The following PIAS2 variants were observed in gnomAD, a reference collection of about 807,000 sequenced individuals.
PIAS2 encodes the protein E3 SUMO-protein ligase PIAS2.
A neutral mutation model predicts 69.7 loss-of-function variants in PIAS2; 19 were observed. That is an observed-to-expected ratio of 0.27 (90% CI 0.19 to 0.40). The LOEUF is 0.40. Ranked by LOEUF, PIAS2 falls within the 10% of genes least tolerant of loss-of-function variation. The pLI, the probability that PIAS2 is intolerant of heterozygous loss-of-function variation, is 1.00. For synonymous variants in PIAS2, 261 were observed against 263.2 expected (o/e 0.99, Z 0.08); for missense variants, 624 against 757.0 (o/e 0.82, Z 2.06).
intron 2 of PIAS2, among the ~76,000 whole-genome samples, chr18:46,887,837 A>G (rs954599059): frequency 3.0e-4 from 45 of 152,332 alleles, no homozygotes; most frequent in African/African-American, 1.1e-3. Flanking sequence ...TTTCTACACC[A>G]TAAGAATGCT....
chr18:46,877,285 A>T (rs1220098340), intron 2 of PIAS2, among the ~76,000 whole-genome samples: 1 of 152,246 alleles, frequency 6.6e-6, no homozygotes, highest in African/African-American at 2.4e-5. Context: ...TATAAAAATC[A>T]AAAGAAGGGA....
intron 2 of PIAS2, among the ~76,000 whole-genome samples, chr18:46,871,357 G>A (rs143102980): frequency 6.6e-6 from 1 of 152,246 alleles, no homozygotes; most frequent in Non-Finnish European, 1.5e-5. Flanking sequence ...GGCTACAGGG[G>A]GCCAAAGCTT....
In PIAS2 at chr18:46,827,668, A is replaced by T. The variant is rs1330530433; in HGVS notation, c.1508+291T>A. On this transcript the variant is annotated intron_variant, in intron 11 of 13. Coordinates refer to ENST00000585916, the MANE Select transcript of PIAS2 (RefSeq NM_004671.5). ...ACACTCCATTACACCAGACTTTCTC[A>T]TCTGGTCTGAGATGCCAAATTTCCT... 11 of 255,154 alleles carry T rather than the reference A, an allele frequency of 4.3e-5. No homozygotes were observed. In the Admixed American group the frequency reaches 4.4e-4, roughly 10 times the overall value. The allele number at this position is 255,154 out of a possible 1,614,324, so 15.8% of individuals were successfully genotyped here. A position where few individuals can be genotyped will look rare whatever the true frequency, so the allele number is the denominator to read the frequency against.
At chr18:46,816,738 G>C (rs888773172) in intron 12 of PIAS2, 10 of 941,522 alleles carry the variant, frequency 1.1e-5, no homozygotes, top group Non-Finnish European at 1.3e-5. Context: ...AAAGTGCTGG[G>C]ATTACAGACA....
Position 46,855,629 on chromosome 18 carries a change from A to T in PIAS2, c.585-14T>A. 6.2e-7 allele frequency: 1 copy of T among 1,605,170 alleles called. No homozygotes were observed. Among genetic ancestry groups the T allele is most frequent in the Non-Finnish European group, 8.5e-7 (1 of 1,171,990 alleles). ...GGCAAAAAATCCCTGTTGGAAAGAGAAAGAAAATGGGTTAAAAAAGTACAA... is the reference window on the plus strand; with the variant it reads ...GGCAAAAAATCCCTGTTGGAAAGAGTAAGAAAATGGGTTAAAAAAGTACAA... On this transcript the variant is annotated splice_polypyrimidine_tract_variant and intron_variant, in intron 3 of 13. Coordinates refer to ENST00000585916, the MANE Select transcript of PIAS2 (RefSeq NM_004671.5).
At chr18:46,841,348 A>G (rs2045358157) in intron 8 of PIAS2, among the ~76,000 whole-genome samples, 1 of 152,206 alleles carries the variant, frequency 6.6e-6, no homozygotes, top group Non-Finnish European at 1.5e-5. Flanking sequence ...TGTTTTTGCC[A>G]AATAACCCAG....
intron 3 of PIAS2, among the ~76,000 whole-genome samples, chr18:46,862,648 C>CATATATACACATAT (rs530303795): frequency 0.012 from 1,856 of 151,892 alleles, 32 homozygotes; most frequent in Non-Finnish European, 0.017. Flanking sequence ...TATATATACA[C>CATATATACACATAT]ATATATACAC....
At chr18:46,916,175 G>T (rs2057853226) in intron 1 of PIAS2, among the ~76,000 whole-genome samples, 1 of 152,166 alleles carries the variant, frequency 6.6e-6, no homozygotes, top group Non-Finnish European at 1.5e-5. Context: ...AACAATCTCC[G>T]TTTAGAGCAG....
rs75198066 is a variant in PIAS2, at chr18:46,827,603, T to A, written c.1508+356A>T. ...ATCACAGAACAAGTAAGCGATGGTG[T>A]GCCAAAATTGGAATCCATACTTGTC... On this transcript the variant is annotated intron_variant, in intron 11 of 13. Transcript: ENST00000585916. 2.9e-5 allele frequency: 5 copies of A among 175,306 alleles called. No individual in the cohort carries two copies. The East Asian group carries it at 7.6e-4, about 27-fold the overall frequency. 10.9% of individuals were successfully genotyped at this position (175,306 alleles called of 1,614,324 possible).
intron 1 of PIAS2, among the ~76,000 whole-genome samples, chr18:46,912,903 T>TA (rs2057415160): frequency 6.6e-6 from 1 of 152,074 alleles, no homozygotes; most frequent in Admixed American, 6.5e-5. Flanking sequence ...AATGAGAGAA[T>TA]AAAAAATGTG....
intron 5 of PIAS2, among the ~76,000 whole-genome samples, chr18:46,847,778 G>A (rs1030022872): frequency 1.3e-5 from 2 of 152,240 alleles, no homozygotes; most frequent in Middle Eastern, 3.4e-3. Flanking sequence ...CACAGTGCCC[G>A]GCCAACTGTT....
At position 46,840,115 on chromosome 18, in the gene PIAS2, C is replaced by T. The variant is rs974502823; in HGVS notation, c.1042-3598G>A. 8.6e-5 allele frequency among the ~76,000 whole-genome samples: 13 copies of T among 151,892 alleles called. No individual in the cohort carries two copies. In the East Asian group the frequency reaches 2.5e-3, roughly 29 times the overall value. On this transcript the variant is annotated intron_variant, in intron 8 of 13. Transcript: ENST00000585916. ...GGCGGAAGTTGCAGTGAGCTGAGAT[C>T]GTGCCACTGCACTTCAGCCTGGATG...
chr18:46,855,638 G>A (rs767310503), intron 3 of PIAS2, 23 bp from the exon 4 acceptor site: 9 of 1,590,246 alleles, frequency 5.7e-6, no homozygotes, highest in Non-Finnish European at 7.8e-6. Context: ...GAAAGAAAAT[G>A]GGTTAAAAAA....
At chr18:46,830,990 CACAAT>C (rs2043528727) in intron 9 of PIAS2, among the ~76,000 whole-genome samples, 2 of 152,052 alleles carry the variant, frequency 1.3e-5, no homozygotes, top group South Asian at 4.1e-4. Context: ...GGTTCATTCC[CACAAT>C]ACAAGATTAG....
Position 46,804,223 on chromosome 18 carries a change from C to A in PIAS2, c.*8210G>T, listed in dbSNP as rs536084092. 2.0e-5 allele frequency: 3 copies of A among 152,110 alleles called. No homozygotes were observed. Among genetic ancestry groups the A allele is most frequent in the Non-Finnish European group, 4.4e-5 (3 of 68,038 alleles). 9.4% of individuals were successfully genotyped at this position (152,110 alleles called of 1,614,324 possible). A position where few individuals can be genotyped will look rare whatever the true frequency, so the allele number is the denominator to read the frequency against. On this transcript the variant is annotated 3_prime_UTR_variant, in exon 14 of 14. Coordinates refer to ENST00000585916, the MANE Select transcript of PIAS2 (RefSeq NM_004671.5). Reference sequence around the variant, plus strand: ...CCTCTGCCCTCATGGAGCTTACAATCTAGTAGGGGAAACACACAATATGCA... The same window carrying A: ...CCTCTGCCCTCATGGAGCTTACAATATAGTAGGGGAAACACACAATATGCA...
upstream of PIAS2, chr18:46,919,939 C>T (rs79163746): frequency 0.034 from 19,298 of 564,918 alleles, 956 homozygotes; most frequent in African/African-American, 0.15. Context: ...GAGGAGTTTT[C>T]GGGGAATAGA....
intron 5 of PIAS2, 59 bp downstream of exon 5, chr18:46,855,286 G>T: frequency 1.9e-6 from 2 of 1,039,258 alleles, no homozygotes; most frequent in Non-Finnish European, 2.9e-6. Context: ...CTGTTTCTAG[G>T]CCTTGTCAGT....
At chr18:46,905,171 T>C (rs905250762) in intron 1 of PIAS2, among the ~76,000 whole-genome samples, 2 of 152,132 alleles carry the variant, frequency 1.3e-5, no homozygotes, top group African/African-American at 2.4e-5. Context: ...TACACACCAA[T>C]TGGCATCACA....
At chr18:46,834,706 C>T (rs2044177621) in intron 9 of PIAS2, among the ~76,000 whole-genome samples, 1 of 152,220 alleles carries the variant, frequency 6.6e-6, no homozygotes, top group Non-Finnish European at 1.5e-5. Context: ...CCTCAAACTC[C>T]TGGTCTCAGA....
Sources: allele counts gnomAD v4.1 joint callset (sites outside exome capture counted in the v4.1 genomes callset), GRCh38; gene constraint gnomAD v4.1.1; transcripts MANE v1.5; gene names NCBI Gene and HGNC (gene_info 2026-07-23, HGNC 2026-07-21).